Variants in ADAMTS18 observed in about 807,000 individuals in gnomAD.
ADAMTS18 encodes ADAM metallopeptidase with thrombospondin type 1 motif 18, also known as A disintegrin and metalloproteinase with thrombospondin motifs 18.
Under a neutral mutation model 165.9 loss-of-function variants are expected in ADAMTS18, and 157 were observed. That is an observed-to-expected ratio of 0.95 (90% CI 0.83 to 1.08). The LOEUF (loss-of-function observed/expected upper bound fraction) is 1.08, where lower values mean the gene tolerates loss of function less well. Among genes scored for constraint, ADAMTS18 ranks in the 50% least tolerant of loss-of-function variants. The pLI is 0.00. For synonymous variants in ADAMTS18, 782 were observed against 578.2 expected, an observed-to-expected ratio of 1.35 and a Z score of -5.06; for missense variants, 2,040 against 1,534.0, an observed-to-expected ratio of 1.33 and a Z score of -5.51.
At chr16:77,391,790 T>A (rs1392455601) in intron 3 of ADAMTS18, among the ~76,000 whole-genome samples, 1 of 152,008 alleles carries the variant, frequency 6.6e-6, no homozygotes, top group Non-Finnish European at 1.5e-5. Context: ...AATGAAGGGG[T>A]CAGGCAAGGG....
chr16:77,333,501 A>AT (rs1028361098), intron 12 of ADAMTS18, among the ~76,000 whole-genome samples: 11 of 151,588 alleles, frequency 7.3e-5, no homozygotes, highest in African/African-American at 2.4e-4. Flanking sequence ...CCAAAAAAAA[A>AT]AAAATAAAAC....
chr16:77,381,673 AC>A (rs1383155361), intron 3 of ADAMTS18, among the ~76,000 whole-genome samples: 2 of 152,090 alleles, frequency 1.3e-5, no homozygotes, highest in African/African-American at 4.8e-5. Context: ...GTAGTGACGC[AC>A]GCCTGTAATC....
At chr16:77,305,022 T>G (rs1230629202) in intron 16 of ADAMTS18, among the ~76,000 whole-genome samples, 1 of 152,172 alleles carries the variant, frequency 6.6e-6, no homozygotes, top group Non-Finnish European at 1.5e-5. Context: ...CGAAAGACAA[T>G]ATTTGTACAA....
At chr16:77,399,834 A>G (rs998826626) in intron 3 of ADAMTS18, among the ~76,000 whole-genome samples, 1 of 152,194 alleles carries the variant, frequency 6.6e-6, no homozygotes, top group Non-Finnish European at 1.5e-5. Context: ...ACTAATGATG[A>G]TATTTACAAC....
chr16:77,326,199 C>CA (rs1412153022), intron 12 of ADAMTS18, among the ~76,000 whole-genome samples, 161 bp from the exon 13 acceptor site: 1 of 152,144 alleles, frequency 6.6e-6, no homozygotes, highest in Admixed American at 6.6e-5. Context: ...TACAACTTAA[C>CA]ACCTTCCTTC....
chr16:77,346,475 A>C (rs528435218), intron 10 of ADAMTS18, among the ~76,000 whole-genome samples: 2 of 152,202 alleles, frequency 1.3e-5, no homozygotes, highest in Non-Finnish European at 2.9e-5. Context: ...GAATTAAAAA[A>C]AATAATAACA....
At chr16:77,430,117 T>C (rs2057720569) in intron 3 of ADAMTS18, among the ~76,000 whole-genome samples, 1 of 151,738 alleles carries the variant, frequency 6.6e-6, no homozygotes, top group Admixed American at 6.6e-5. Context: ...ACAAAGGGGA[T>C]GCTAAGTAAA....
At chr16:77,434,370 C>G in intron 2 of ADAMTS18, 48 bp downstream of exon 2, 1 of 1,538,250 alleles carries the variant, frequency 6.5e-7, no homozygotes, top group Non-Finnish European at 8.7e-7. Context: ...AAGGAAGGGT[C>G]AAAGTGCTGC....
chr16:77,295,413 T>C (rs1338562018), intron 18 of ADAMTS18, among the ~76,000 whole-genome samples: 1 of 152,128 alleles, frequency 6.6e-6, no homozygotes, highest in Non-Finnish European at 1.5e-5. Flanking sequence ...TGAGCCAAAT[T>C]TGTTGGGATT....
At chr16:77,313,282 C>A (rs1019437596) in intron 16 of ADAMTS18, among the ~76,000 whole-genome samples, 1 of 151,436 alleles carries the variant, frequency 6.6e-6, no homozygotes, top group Non-Finnish European at 1.5e-5. Flanking sequence ...GAACACACAC[C>A]GGGGCCTGTC....
At chr16:77,426,831 T>G (rs562835134) in intron 3 of ADAMTS18, among the ~76,000 whole-genome samples, 10 of 152,266 alleles carry the variant, frequency 6.6e-5, no homozygotes, top group African/African-American at 2.4e-4. Context: ...GAGGCCAGCC[T>G]GGGCAACATG....
chr16:77,381,999 C>G (rs970315929), intron 3 of ADAMTS18, among the ~76,000 whole-genome samples: 2 of 152,122 alleles, frequency 1.3e-5, no homozygotes, highest in Non-Finnish European at 2.9e-5. Context: ...CCCTGAAATG[C>G]TCTTATTCTC....
chr16:77,325,770 C>A, intron 13 of ADAMTS18, 96 bp downstream of exon 13: 1 of 1,310,340 alleles, frequency 7.6e-7, no homozygotes, highest in African/African-American at 1.5e-5. Context: ...GGTAAACATT[C>A]AAACTCTTTG....
chr16:77,418,778 G>C (rs1358020851), intron 3 of ADAMTS18, among the ~76,000 whole-genome samples: 3 of 152,210 alleles, frequency 2.0e-5, no homozygotes, highest in African/African-American at 7.2e-5. Context: ...ACCTGCCAAA[G>C]AGTGGGCACT....
rs1339666455 is a variant in ADAMTS18 at position 77,291,346 on chromosome 16, C to A, written c.3322G>T (p.Glu1108Ter). Reference sequence around the variant, plus strand: ...GGGCAAGCCCGTCGGTTGCAGGTCTCTTCCAAGTCCAGATTTGGTTTCTTA... The same window carrying A: ...GGGCAAGCCCGTCGGTTGCAGGTCTATTCCAAGTCCAGATTTGGTTTCTTA... The part of the protein sequence containing the change: ...NIKKPNLDLE[E>*]TCNRRACPAH... The change falls in exon 21 of 23, where the codon GAG (glutamate) becomes TAG (stop). Residue 1108 changes from glutamate to a stop codon, truncating the protein, a stop_gained. Coordinates refer to ENST00000282849, the MANE Select transcript of ADAMTS18 (RefSeq NM_199355.4). LOFTEE classifies it high-confidence loss of function. 6.2e-7 allele frequency: 1 copy of A among 1,614,228 alleles called. No homozygotes were observed. Among genetic ancestry groups the A allele is most frequent in the Non-Finnish European group, 8.5e-7 (1 of 1,180,036 alleles).
At chr16:77,422,506 C>A (rs2057616236) in intron 3 of ADAMTS18, among the ~76,000 whole-genome samples, 1 of 137,978 alleles carries the variant, frequency 7.2e-6, no homozygotes. Flanking sequence ...GGAAGAGATG[C>A]AGGGAGATGG....
At chr16:77,311,703 TTC>T (rs1353796982) in intron 16 of ADAMTS18, among the ~76,000 whole-genome samples, 1 of 89,232 alleles carries the variant, frequency 1.1e-5, no homozygotes, top group African/African-American at 3.8e-5. Flanking sequence ...TACTGGAGTT[TTC>T]TTTTTTTTTT....
chr16:77,421,353 T>C (rs2057600257), intron 3 of ADAMTS18, among the ~76,000 whole-genome samples: 2 of 152,252 alleles, frequency 1.3e-5, no homozygotes, highest in Admixed American at 6.5e-5. Context: ...AAAAACTTGA[T>C]GTGACTGAAG....
At chr16:77,345,867 T>C (rs1023667410) in intron 10 of ADAMTS18, among the ~76,000 whole-genome samples, 4 of 152,180 alleles carry the variant, frequency 2.6e-5, no homozygotes, top group Admixed American at 1.3e-4. Context: ...CTCAAAACCC[T>C]GTTATGTCTT....
Sources: gnomAD v4.1 joint callset for allele counts (sites outside exome capture counted in the v4.1 genomes callset) on GRCh38, gnomAD v4.1.1 for gene constraint, MANE v1.5 for transcripts, NCBI Gene and HGNC (gene_info 2026-07-23, HGNC 2026-07-21) for gene names.